The following PTN variants were observed in gnomAD, a reference collection of about 807,000 sequenced individuals.
PTN encodes heparin affin regulatory protein.
A neutral mutation model predicts 24.1 loss-of-function variants in PTN; 18 were observed. The observed-to-expected ratio is 0.75, with a 90% CI of 0.52 to 1.11. The LOEUF is 1.11. PTN is among the 50% of genes least tolerant of loss of function. PTN has a pLI of 0.00. For synonymous variants in PTN, 78 were observed against 68.6 expected (o/e 1.14, Z -0.67); for missense variants, 163 against 198.8 (o/e 0.82, Z 1.08).
intron 4 of PTN, among the ~76,000 whole-genome samples, chr7:137,239,496 C>A (rs1389390606): frequency 6.6e-6 from 1 of 151,894 alleles, no homozygotes; most frequent in Non-Finnish European, 1.5e-5. Context: ...GTGCGCTGCA[C>A]CCACTAACTC....
chr7:137,258,499 T>G (rs1252342875), intron 1 of PTN, among the ~76,000 whole-genome samples: 1 of 152,182 alleles, frequency 6.6e-6, no homozygotes, highest in Non-Finnish European at 1.5e-5. Flanking sequence ...TCCTTCTATT[T>G]TGTTCATCAT....
chr7:137,331,874 A>G lies in PTN; in HGVS notation c.-2+11565T>C, dbSNP rs558994767. Among the ~76,000 whole-genome samples the G allele has an allele frequency of 3.3e-5, 5 of 152,344 alleles. No homozygotes were observed. The South Asian group carries it at 1.0e-3, about 32-fold the overall frequency. ...TTAACTGGCACACACTGAGTTCTCC[A>G]GGATTATTTGTTCCCATCTAAACAG... On this transcript the variant is annotated intron_variant, in intron 1 of 4. Transcript: ENST00000348225.
intron 4 of PTN, among the ~76,000 whole-genome samples, chr7:137,243,642 T>A (rs919831209): frequency 6.6e-6 from 1 of 152,178 alleles, no homozygotes; most frequent in Non-Finnish European, 1.5e-5. Context: ...ATTTTCCATG[T>A]GACCAAATTT....
intron 4 of PTN, among the ~76,000 whole-genome samples, chr7:137,245,561 T>C (rs1808708411): frequency 6.6e-6 from 1 of 152,240 alleles, no homozygotes. Flanking sequence ...ATGTATTTAC[T>C]ATACAATACT....
chr7:137,277,156 A>C (rs1241178394), intron 1 of PTN, among the ~76,000 whole-genome samples: 1 of 152,250 alleles, frequency 6.6e-6, no homozygotes, highest in Admixed American at 6.5e-5. Context: ...CAAAGAAGAC[A>C]CACAGATGGC....
intron 1 of PTN, among the ~76,000 whole-genome samples, chr7:137,291,693 T>C (rs944708886): frequency 3.3e-5 from 5 of 152,160 alleles, no homozygotes; most frequent in African/African-American, 9.7e-5. Flanking sequence ...GCAACACTTA[T>C]GTCCTCTGAC....
intron 1 of PTN, among the ~76,000 whole-genome samples, chr7:137,257,776 A>T (rs1808960287): frequency 6.6e-6 from 1 of 152,172 alleles, no homozygotes; most frequent in Admixed American, 6.5e-5. Flanking sequence ...TGAGAATTAG[A>T]TTACTGTGAG....
intron 4 of PTN, among the ~76,000 whole-genome samples, chr7:137,248,507 G>A (rs1353027329): frequency 6.6e-6 from 1 of 152,162 alleles, no homozygotes; most frequent in Non-Finnish European, 1.5e-5. Context: ...CCAACATGAT[G>A]AAATGCTGTC....
chr7:137,279,187 A>G, intron 1 of PTN, among the ~76,000 whole-genome samples: 1 of 152,092 alleles, frequency 6.6e-6, no homozygotes, highest in East Asian at 1.9e-4. Context: ...AGTCCAACAA[A>G]TAGAAAACTA....
rs538484887 is a variant in PTN at position 137,236,973 on chromosome 7, A to C, written c.452-8898T>G. Among the ~76,000 whole-genome samples the C allele has an allele frequency of 1.4e-3, 220 of 152,246 alleles. 4 individuals are homozygous for C. The South Asian group carries it at 0.044, about 30-fold the overall frequency. Reference sequence around the variant, plus strand: ...AAATTTTAGTAGGTACAGTCCCATAAATGTTTTTCCTATTCATTACCAAAT... The same window carrying C: ...AAATTTTAGTAGGTACAGTCCCATACATGTTTTTCCTATTCATTACCAAAT... On this transcript the variant is annotated intron_variant, in intron 4 of 4. Transcript: ENST00000348225.
intron 1 of PTN, among the ~76,000 whole-genome samples, chr7:137,328,257 G>A (rs1810294564): frequency 6.6e-6 from 1 of 151,976 alleles, no homozygotes; most frequent in East Asian, 1.9e-4. Flanking sequence ...AGCTTTCTAG[G>A]TTTTGCCTCT....
intron 1 of PTN, among the ~76,000 whole-genome samples, chr7:137,296,188 A>G (rs759062345): frequency 2.6e-5 from 4 of 152,142 alleles, no homozygotes; most frequent in Non-Finnish European, 4.4e-5. Context: ...ATAGAATTAT[A>G]GCAAGTGAGA....
chr7:137,342,064 C>A (rs1810542976), intron 1 of PTN, among the ~76,000 whole-genome samples: 1 of 152,096 alleles, frequency 6.6e-6, no homozygotes, highest in African/African-American at 2.4e-5. Flanking sequence ...ATGGAAAATA[C>A]AGCTTTATTT....
At chr7:137,295,381 G>A (rs1341340706) in intron 1 of PTN, among the ~76,000 whole-genome samples, 1 of 152,034 alleles carries the variant, frequency 6.6e-6, no homozygotes. Flanking sequence ...GAAATATCGA[G>A]GACTGGGATG....
At chr7:137,322,039 T>C (rs1810171001) in intron 1 of PTN, among the ~76,000 whole-genome samples, 1 of 152,192 alleles carries the variant, frequency 6.6e-6, no homozygotes, top group African/African-American at 2.4e-5. Context: ...CTTAGAGGCC[T>C]TCCCTGGCAC....
chr7:137,253,474 C>T lies in PTN; in HGVS notation c.279G>A (p.Lys93=). 1.2e-6 allele frequency: 2 copies of T among 1,606,758 alleles called. No homozygotes were observed. The highest frequency in any genetic ancestry group is 2.2e-5 in the South Asian group (2 of 89,714). The change falls in exon 3 of 5, where the codon AAG becomes AAA. Residue 93 remains lysine (K), a synonymous_variant. Coordinates refer to ENST00000348225, the MANE Select transcript of PTN (RefSeq NM_002825.7). ...TAGCATGAGGCTTACCGCCAAATTGCTTCTTCCAGTTGCAGGGGATCTTAC... is the reference window on the plus strand; with the variant it reads ...TAGCATGAGGCTTACCGCCAAATTGTTTCTTCCAGTTGCAGGGGATCTTAC... ...QRCKIPCNWK[K]QFGAECKYQF...
chr7:137,274,644 T>C lies in PTN; in HGVS notation c.-1-19670A>G, dbSNP rs184556326. ...CACAGATGGTGATGTAAATATGAAATCTATTATTAGTATGAAAGATGCCTT... is the reference window on the plus strand; with the variant it reads ...CACAGATGGTGATGTAAATATGAAACCTATTATTAGTATGAAAGATGCCTT... On this transcript the variant is annotated intron_variant, in intron 1 of 4. Transcript: ENST00000348225. 2.0e-5 allele frequency among the ~76,000 whole-genome samples: 3 copies of C among 152,218 alleles called. No individual in the cohort carries two copies. The South Asian group carries it at 6.2e-4, about 32-fold the overall frequency.
At chr7:137,313,811 G>A (rs979865068) in intron 1 of PTN, among the ~76,000 whole-genome samples, 11 of 152,252 alleles carry the variant, frequency 7.2e-5, no homozygotes, top group Admixed American at 4.6e-4. Context: ...CTGTTGTACC[G>A]ATAAGCTTCA....
Position 137,248,629 on chromosome 7 carries a change from G to A in PTN, c.451+2601C>T, listed in dbSNP as rs556515109. ...CAGGAGGCGGAGTTTGCAGTGGGCCGAGATCGCCTCACTGCCCTCCAGCAC... is the reference window on the plus strand; with the variant it reads ...CAGGAGGCGGAGTTTGCAGTGGGCCAAGATCGCCTCACTGCCCTCCAGCAC... On this transcript the variant is annotated intron_variant, in intron 4 of 4. Coordinates refer to ENST00000348225, the MANE Select transcript of PTN (RefSeq NM_002825.7). Among the ~76,000 whole-genome samples the A allele has an allele frequency of 1.2e-3, 176 of 152,294 alleles. 1 individual carries two copies. The highest frequency in any genetic ancestry group is 3.3e-3 in the African/African-American group (136 of 41,570).
Sources: gnomAD v4.1 joint callset for allele counts (sites outside exome capture counted in the v4.1 genomes callset) on GRCh38, gnomAD v4.1.1 for gene constraint, MANE v1.5 for transcripts, NCBI Gene and HGNC (gene_info 2026-07-23, HGNC 2026-07-21) for gene names.